LAPTM4B: variants seen among roughly 807,000 people sequenced by gnomAD.
LAPTM4B encodes lysosomal-associated transmembrane protein 4B.
In LAPTM4B, 26 loss-of-function variants were observed where a neutral mutation model predicts 28.5. The ratio of observed to expected loss-of-function variants is 0.91; its 90% CI spans 0.67 to 1.27. LAPTM4B has a LOEUF of 1.27. Ranked by LOEUF, LAPTM4B falls within the 50% of genes most tolerant of loss-of-function variation. The pLI, the probability that LAPTM4B is intolerant of heterozygous loss-of-function variation, is 0.00. For synonymous variants in LAPTM4B, 109 were observed against 106.4 expected (o/e 1.02, Z -0.15); for missense variants, 288 against 285.8 (o/e 1.01, Z -0.06).
intron 5 of LAPTM4B, among the ~76,000 whole-genome samples, chr8:97,821,030 G>T (rs978118754): frequency 6.7e-6 from 1 of 149,222 alleles, no homozygotes; most frequent in African/African-American, 2.4e-5. Context: ...CCTGGCTGGG[G>T]ACACCGTCTC....
intron 6 of LAPTM4B, among the ~76,000 whole-genome samples, chr8:97,825,564 A>C (rs1055986253): frequency 7.2e-5 from 11 of 152,252 alleles, no homozygotes; most frequent in Non-Finnish European, 1.6e-4. Context: ...TAGGTAAAAA[A>C]GAACTGCAAA....
Position 97,776,106 on chromosome 8 carries a change from C to T in LAPTM4B, c.97C>T (p.Leu33=). The part of the protein sequence containing the change: ...TGTILLGVWY[L]IINAVVLLIL... ...CACCATCCTGCTCGGCGTCTGGTATCTGGTGAGCGCGGCGCGCCCGGCCCG... is the reference window on the plus strand; with the variant it reads ...CACCATCCTGCTCGGCGTCTGGTATTTGGTGAGCGCGGCGCGCCCGGCCCG... The change falls in exon 1 of 7, where the codon CTG becomes TTG. Residue 33 remains leucine (L), a splice_region_variant and synonymous_variant. Transcript: ENST00000521545. The T allele has an allele frequency of 6.4e-7, 1 of 1,573,280 alleles. No individual in the cohort carries two copies.
intron 1 of LAPTM4B, among the ~76,000 whole-genome samples, chr8:97,782,130 G>C (rs984259598): frequency 6.6e-6 from 1 of 151,186 alleles, no homozygotes; most frequent in African/African-American, 2.4e-5. Context: ...ACAGGCATGC[G>C]CCACCACACC....
At chr8:97,839,063 A>G (rs1020503612) in intron 6 of LAPTM4B, among the ~76,000 whole-genome samples, 2 of 152,180 alleles carry the variant, frequency 1.3e-5, no homozygotes, top group African/African-American at 2.4e-5. Flanking sequence ...ATTGGACTAC[A>G]TGCTCCTGAG....
chr8:97,831,557 G>T (rs750446706), intron 6 of LAPTM4B, among the ~76,000 whole-genome samples: 4 of 152,188 alleles, frequency 2.6e-5, no homozygotes, highest in Non-Finnish European at 5.9e-5. Context: ...TAAAAGACAG[G>T]TGAGAGGTTT....
chr8:97,821,293 G>GCTACTCCT lies in LAPTM4B; in HGVS notation c.507+2060_507+2061insCCTCTACT. Among the ~76,000 whole-genome samples the GCTACTCCT allele has an allele frequency of 2.0e-5, 3 of 151,752 alleles. 1 individual carries two copies. ...AGAGCTTGCAGTGAGATGAGATCGA[G>GCTACTCCT]CTACTGCACTCCAGCCTGGGCGACT... On this transcript the variant is annotated intron_variant, in intron 5 of 6. Coordinates refer to ENST00000521545, the MANE Select transcript of LAPTM4B (RefSeq NM_018407.6).
At chr8:97,808,940 G>A (rs952300301) in intron 2 of LAPTM4B, among the ~76,000 whole-genome samples, 5 of 151,534 alleles carry the variant, frequency 3.3e-5, no homozygotes, top group African/African-American at 9.7e-5. Flanking sequence ...CAGCCTGGGC[G>A]ACAGAGCAAG....
intron 1 of LAPTM4B, among the ~76,000 whole-genome samples, chr8:97,778,591 GC>G (rs1442737669): frequency 6.6e-6 from 1 of 152,096 alleles, no homozygotes; most frequent in Non-Finnish European, 1.5e-5. Context: ...AGTACCCAGA[GC>G]CCCCGCGTTT....
At position 97,825,042 on chromosome 8, in the gene LAPTM4B, C is replaced by T. The variant is rs1404858191; in HGVS notation, c.508-16C>T. The T allele has an allele frequency of 7.2e-7, 1 of 1,389,908 alleles. No individual in the cohort carries two copies. The highest frequency in any genetic ancestry group is 1.0e-6 in the Non-Finnish European group (1 of 978,992). 86.1% of individuals were successfully genotyped at this position (1,389,908 alleles called of 1,614,324 possible). A position where few individuals can be genotyped will look rare whatever the true frequency, so the allele number is the denominator to read the frequency against. On this transcript the variant is annotated splice_polypyrimidine_tract_variant and intron_variant, in intron 5 of 6. Transcript: ENST00000521545. ...GTTTGAAAATTAAAAATCTGATAAT[C>T]ACTCCTCATTTTCAGGGTTACTTGA...
chr8:97,833,705 A>G (rs897486807), intron 6 of LAPTM4B, among the ~76,000 whole-genome samples: 2 of 152,148 alleles, frequency 1.3e-5, no homozygotes, highest in African/African-American at 4.8e-5. Context: ...TTGCAAGACT[A>G]CTTCATAGGT....
chr8:97,841,312 A>G (rs1817346294), intron 6 of LAPTM4B, among the ~76,000 whole-genome samples: 1 of 152,224 alleles, frequency 6.6e-6, no homozygotes, highest in Admixed American at 6.5e-5. Flanking sequence ...AAAAGTTTGG[A>G]AAAATTATTC....
intron 2 of LAPTM4B, among the ~76,000 whole-genome samples, chr8:97,806,150 T>C (rs2129772469): frequency 6.6e-6 from 1 of 152,328 alleles, no homozygotes; most frequent in South Asian, 2.1e-4. Context: ...TGGCTCAACA[T>C]GCAGTTTTAG....
chr8:97,816,931 T>C (rs62524113), intron 4 of LAPTM4B, among the ~76,000 whole-genome samples: 1 of 151,058 alleles, frequency 6.6e-6, no homozygotes, highest in Non-Finnish European at 1.5e-5. Context: ...TAGAGTGAGA[T>C]CTCATCTAAA....
chr8:97,820,957 C>A (rs1369253198), intron 5 of LAPTM4B, among the ~76,000 whole-genome samples: 5 of 151,786 alleles, frequency 3.3e-5, no homozygotes, highest in African/African-American at 1.2e-4. Flanking sequence ...AAACTCCTGA[C>A]CTCAGGTGAT....
intron 5 of LAPTM4B, among the ~76,000 whole-genome samples, chr8:97,824,190 A>C (rs1430816483): frequency 1.3e-5 from 2 of 152,084 alleles, no homozygotes; most frequent in Non-Finnish European, 2.9e-5. Flanking sequence ...TTATATATAT[A>C]CTATATGTAG....
At chr8:97,838,041 A>G (rs1817287727) in intron 6 of LAPTM4B, among the ~76,000 whole-genome samples, 1 of 152,216 alleles carries the variant, frequency 6.6e-6, no homozygotes, top group Admixed American at 6.5e-5. Context: ...AGAGAGCACT[A>G]AGAGACTGTT....
intron 2 of LAPTM4B, among the ~76,000 whole-genome samples, chr8:97,814,855 G>T (rs1301945887): frequency 6.6e-6 from 1 of 152,038 alleles, no homozygotes; most frequent in Non-Finnish European, 1.5e-5. Flanking sequence ...CACCACGCCC[G>T]GCTAATTTTT....
intron 2 of LAPTM4B, among the ~76,000 whole-genome samples, chr8:97,809,149 G>T (rs997650558): frequency 1.3e-5 from 2 of 152,100 alleles, no homozygotes; most frequent in Admixed American, 1.3e-4. Flanking sequence ...ATGTCAGATA[G>T]TTATTACCCA....
intron 6 of LAPTM4B, among the ~76,000 whole-genome samples, chr8:97,835,207 C>CT (rs1485449274): frequency 2.0e-5 from 3 of 152,214 alleles, no homozygotes; most frequent in Non-Finnish European, 4.4e-5. Flanking sequence ...GGCCAGATAG[C>CT]TTTTCTCCCA....
Sources: allele counts gnomAD v4.1 joint callset (sites outside exome capture counted in the v4.1 genomes callset), GRCh38; gene constraint gnomAD v4.1.1; transcripts MANE v1.5; gene names NCBI Gene and HGNC (gene_info 2026-07-23, HGNC 2026-07-21).